ATP8A1: variants seen among roughly 807,000 people sequenced by gnomAD.
The protein encoded by ATP8A1 is phospholipid-transporting ATPase IA.
Under a neutral mutation model 177.7 loss-of-function variants are expected in ATP8A1, and 90 were observed. The ratio of observed to expected loss-of-function variants is 0.51; its 90% CI spans 0.43 to 0.60. The LOEUF (loss-of-function observed/expected upper bound fraction) is 0.60, where lower values mean the gene tolerates loss of function less well. ATP8A1 is among the 20% of genes least tolerant of loss of function. The pLI is 0.00. For synonymous variants in ATP8A1, 493 were observed against 485.9 expected (o/e 1.01, Z -0.19); for missense variants, 1,072 against 1,392.8 (o/e 0.77, Z 3.67).
At position 42,552,740 on chromosome 4, in the gene ATP8A1, C is replaced by T. The variant is rs1401987498; in HGVS notation, c.1414-130G>A. On this transcript the variant is annotated intron_variant, in intron 16 of 36. Coordinates refer to ENST00000381668, the MANE Select transcript of ATP8A1 (RefSeq NM_006095.2). Reference sequence around the variant, plus strand: ...TGGTAGCTCACACCTGTAATCCCAGCACTTTGGGAGGCCGAGGCGGGTGGA... The same window carrying T: ...TGGTAGCTCACACCTGTAATCCCAGTACTTTGGGAGGCCGAGGCGGGTGGA... 5 of 612,214 alleles carry T rather than the reference C, an allele frequency of 8.2e-6. No homozygotes were observed. The East Asian group carries it at 1.7e-4, about 21-fold the overall frequency. 37.9% of individuals were successfully genotyped at this position (612,214 alleles called of 1,614,324 possible). A position where few individuals can be genotyped will look rare whatever the true frequency, so the allele number is the denominator to read the frequency against.
At chr4:42,495,636 T>G (rs1723202534) in intron 24 of ATP8A1, among the ~76,000 whole-genome samples, 1 of 152,034 alleles carries the variant, frequency 6.6e-6, no homozygotes, top group Admixed American at 6.5e-5. Flanking sequence ...TGATGTAGTT[T>G]TTGATCAAAA....
At chr4:42,621,495 C>G (rs957466507) in intron 4 of ATP8A1, among the ~76,000 whole-genome samples, 1 of 152,236 alleles carries the variant, frequency 6.6e-6, no homozygotes, top group South Asian at 2.1e-4. Flanking sequence ...AATAAAATAC[C>G]TAGGAATACA....
Position 42,603,261 on chromosome 4 carries a change from T to C in ATP8A1, c.410-2743A>G, listed in dbSNP as rs537006436. 3.3e-5 allele frequency among the ~76,000 whole-genome samples: 5 copies of C among 152,292 alleles called. No homozygotes were observed. In the South Asian group the frequency reaches 1.0e-3, roughly 32 times the overall value. On this transcript the variant is annotated intron_variant, in intron 5 of 36. Transcript: ENST00000381668. ...TACATCTTAATTTTTCTTGGATATG[T>C]TTTGTAGTTTTCTGTGAATGGGTCT... is the stretch of plus-strand genomic sequence containing the variant.
Position 42,567,666 on chromosome 4 carries a change from C to T in ATP8A1, c.1340+1495G>A, listed in dbSNP as rs893672582. ...TACAAGCAATTTATGACAAAGCTGACAATTTCTTATTTGGAGTTACCTAGT... is the reference window on the plus strand; with the variant it reads ...TACAAGCAATTTATGACAAAGCTGATAATTTCTTATTTGGAGTTACCTAGT... On this transcript the variant is annotated intron_variant, in intron 15 of 36. Transcript: ENST00000381668. 1.3e-4 allele frequency among the ~76,000 whole-genome samples: 20 copies of T among 152,272 alleles called. 2 individuals are homozygous for T. The highest frequency in any genetic ancestry group is 1.2e-3 in the East Asian group (6 of 5,182).
intron 20 of ATP8A1, among the ~76,000 whole-genome samples, chr4:42,532,325 A>C (rs1322318901): frequency 2.6e-5 from 4 of 152,080 alleles, no homozygotes; most frequent in African/African-American, 9.7e-5. Flanking sequence ...TCTCTACATA[A>C]AATACAAAAA....
At chr4:42,435,426 C>CAAAAAAAAAAAAAAAAAAAA (rs55945370) in intron 33 of ATP8A1, among the ~76,000 whole-genome samples, 13 of 93,972 alleles carry the variant, frequency 1.4e-4, no homozygotes, top group East Asian at 1.0e-3. Context: ...GACTTCATCT[C>CAAAAAAAAAAAAAAAAAAAA]AAAAAAAAAA....
chr4:42,454,250 T>C (rs1364372636), intron 29 of ATP8A1, among the ~76,000 whole-genome samples: 3 of 152,214 alleles, frequency 2.0e-5, no homozygotes, highest in Admixed American at 1.3e-4. Flanking sequence ...AACCTAGCAC[T>C]ATCGTTTATG....
intron 21 of ATP8A1, among the ~76,000 whole-genome samples, chr4:42,522,691 A>G (rs914293885): frequency 7.2e-5 from 11 of 152,062 alleles, no homozygotes; most frequent in African/African-American, 2.7e-4. Context: ...CACTTCCCAC[A>G]TAGGGGGGTC....
chr4:42,506,922 T>C (rs535560368), intron 23 of ATP8A1, 94 bp downstream of exon 23: 2 of 1,394,478 alleles, frequency 1.4e-6, no homozygotes, highest in Admixed American at 2.1e-5. Context: ...ACATATCAAA[T>C]CTTTTAGATC....
At chr4:42,503,991 T>C (rs1724110105) in intron 23 of ATP8A1, among the ~76,000 whole-genome samples, 1 of 152,230 alleles carries the variant, frequency 6.6e-6, no homozygotes, top group East Asian at 1.9e-4. Context: ...TCTTGCTTTG[T>C]TGCACTTACT....
chr4:42,576,499 A>AAAT (rs2109332073), intron 12 of ATP8A1, among the ~76,000 whole-genome samples: 1 of 150,710 alleles, frequency 6.6e-6, no homozygotes, highest in Non-Finnish European at 1.5e-5. Flanking sequence ...AAAAAAAAAA[A>AAAT]AAAAAAAGAG....
At chr4:42,438,842 T>C (rs953456377) in intron 33 of ATP8A1, among the ~76,000 whole-genome samples, 6 of 152,210 alleles carry the variant, frequency 3.9e-5, no homozygotes, top group African/African-American at 1.4e-4. Context: ...GGCTATTTCT[T>C]TGCTTACTAC....
At chr4:42,655,225 C>T (rs975273717) in intron 1 of ATP8A1, among the ~76,000 whole-genome samples, 1 of 152,230 alleles carries the variant, frequency 6.6e-6, no homozygotes, top group African/African-American at 2.4e-5. Context: ...GCCACAGTTT[C>T]CTCAACTATC....
chr4:42,566,532 T>C (rs1320776533), intron 15 of ATP8A1, among the ~76,000 whole-genome samples: 2 of 152,344 alleles, frequency 1.3e-5, no homozygotes, highest in Non-Finnish European at 2.9e-5. Context: ...TGCAAAGTTG[T>C]ATGCCCTCAT....
At chr4:42,645,107 A>T (rs1257199969) in intron 1 of ATP8A1, among the ~76,000 whole-genome samples, 2 of 152,248 alleles carry the variant, frequency 1.3e-5, no homozygotes, top group African/African-American at 4.8e-5. Context: ...ATATAACACC[A>T]GCTAAAAATA....
In ATP8A1 at chr4:42,581,877, A is replaced by G. The variant is rs1007301595; in HGVS notation, c.723-145T>C. 11 of 637,846 alleles carry G rather than the reference A, an allele frequency of 1.7e-5. No individual in the cohort carries two copies. The Admixed American group carries it at 2.4e-4, about 14-fold the overall frequency. 39.5% of individuals were successfully genotyped at this position (637,846 alleles called of 1,614,324 possible). A position where few individuals can be genotyped will look rare whatever the true frequency, so the allele number is the denominator to read the frequency against. On this transcript the variant is annotated intron_variant, in intron 9 of 36. Transcript: ENST00000381668. ...AAAGTAATTTCCCCCCAGTACAAAT[A>G]ATTTTCTTAAACAGCAACGACACAA...
At chr4:42,581,097 T>G (rs1732992111) in intron 10 of ATP8A1, among the ~76,000 whole-genome samples, 1 of 152,140 alleles carries the variant, frequency 6.6e-6, no homozygotes, top group Non-Finnish European at 1.5e-5. Context: ...TAATCCCTGG[T>G]GAACCTTCCA....
intron 6 of ATP8A1, among the ~76,000 whole-genome samples, chr4:42,591,600 C>G (rs1185909575): frequency 6.6e-6 from 1 of 152,044 alleles, no homozygotes; most frequent in Non-Finnish European, 1.5e-5. Flanking sequence ...GAAATTTTTT[C>G]AGAGAGGGTA....
intron 13 of ATP8A1, among the ~76,000 whole-genome samples, chr4:42,574,936 A>G (rs533588790): frequency 2.6e-3 from 392 of 152,346 alleles, no homozygotes; most frequent in Non-Finnish European, 4.6e-3. Flanking sequence ...AGAAAACTAT[A>G]TAGACATATG....
Sources: allele counts gnomAD v4.1 joint callset (sites outside exome capture counted in the v4.1 genomes callset), GRCh38; gene constraint gnomAD v4.1.1; transcripts MANE v1.5; gene names NCBI Gene and HGNC (gene_info 2026-07-23, HGNC 2026-07-21).